RSPO2: variants seen among roughly 807,000 people sequenced by gnomAD.
RSPO2 encodes the protein R-spondin 2, also known as R-spondin-2.
RSPO2 carries 14 observed loss-of-function variants against 30.9 expected under a neutral mutation model. That is an observed-to-expected ratio of 0.45 (90% CI 0.30 to 0.71). The LOEUF (loss-of-function observed/expected upper bound fraction) is 0.71. Ranked by LOEUF, RSPO2 falls within the 30% of genes least tolerant of loss-of-function variation. The probability of loss-of-function intolerance (pLI) is 0.08; values close to 1 mark genes in which losing one functional copy is unlikely to be tolerated. For synonymous variants in RSPO2, 107 were observed against 96.4 expected (o/e 1.11, Z -0.64); for missense variants, 264 against 301.9 (o/e 0.87, Z 0.93).
At chr8:108,032,716 A>G (rs1465443437) in intron 2 of RSPO2, among the ~76,000 whole-genome samples, 3 of 152,014 alleles carry the variant, frequency 2.0e-5, no homozygotes, top group Non-Finnish European at 4.4e-5. Flanking sequence ...CTGCAGCCTC[A>G]AACTCCTGGG....
chr8:108,059,109 G>T (rs1033614278), intron 2 of RSPO2, among the ~76,000 whole-genome samples: 7 of 151,618 alleles, frequency 4.6e-5, no homozygotes, highest in African/African-American at 1.7e-4. Context: ...ATCTGACAAA[G>T]GGCTAATATC....
At chr8:107,954,192 T>C (rs373262173) in intron 5 of RSPO2, among the ~76,000 whole-genome samples, 1 of 152,294 alleles carries the variant, frequency 6.6e-6, no homozygotes, top group East Asian at 1.9e-4. Flanking sequence ...TGGTCAATCC[T>C]CCTGTGAAAG....
intron 2 of RSPO2, among the ~76,000 whole-genome samples, chr8:107,989,728 A>G (rs1049965491): frequency 2.0e-5 from 3 of 152,234 alleles, no homozygotes; most frequent in African/African-American, 7.2e-5. Flanking sequence ...CAGAACACCA[A>G]GTCCACAAGG....
At chr8:108,047,869 A>AAGC (rs1016429911) in intron 2 of RSPO2, among the ~76,000 whole-genome samples, 13 of 151,686 alleles carry the variant, frequency 8.6e-5, no homozygotes, top group African/African-American at 2.9e-4. Flanking sequence ...AAAAAAAAAA[A>AAGC]AGCAGCAGCA....
At chr8:107,903,198 A>T (rs964673813) in intron 5 of RSPO2, among the ~76,000 whole-genome samples, 1 of 152,164 alleles carries the variant, frequency 6.6e-6, no homozygotes, top group African/African-American at 2.4e-5. Flanking sequence ...TTTTAAATTC[A>T]TTTGGTTTAT....
intron 2 of RSPO2, among the ~76,000 whole-genome samples, chr8:108,073,290 C>T (rs2130728860): frequency 6.6e-6 from 1 of 152,332 alleles, no homozygotes; most frequent in South Asian, 2.1e-4. Flanking sequence ...AAGCACAAAT[C>T]CCACAAAATT....
intron 2 of RSPO2, among the ~76,000 whole-genome samples, chr8:108,035,534 G>T (rs533080897): frequency 3.3e-5 from 5 of 152,048 alleles, no homozygotes; most frequent in Admixed American, 2.6e-4. Flanking sequence ...GCAGTGGCGC[G>T]ATCTTGGCTC....
At chr8:108,061,898 A>G (rs1812479436) in intron 2 of RSPO2, among the ~76,000 whole-genome samples, 1 of 151,882 alleles carries the variant, frequency 6.6e-6, no homozygotes, top group Non-Finnish European at 1.5e-5. Context: ...AAACCGCTCA[A>G]CTACATGGAA....
intron 5 of RSPO2, among the ~76,000 whole-genome samples, chr8:107,913,347 C>A (rs1013145497): frequency 6.6e-6 from 1 of 152,144 alleles, no homozygotes; most frequent in African/African-American, 2.4e-5. Context: ...GTGGCTGAAT[C>A]TTTAAATTCA....
At chr8:107,958,299 A>G (rs1317620523) in intron 4 of RSPO2, 31 bp from the exon 5 acceptor site, 1 of 1,562,452 alleles carries the variant, frequency 6.4e-7, no homozygotes, top group East Asian at 2.2e-5. Flanking sequence ...AAGAAAAAAA[A>G]ACACAAGCAC....
At chr8:107,925,005 CACTCAG>C (rs1812312771) in intron 5 of RSPO2, among the ~76,000 whole-genome samples, 1 of 152,052 alleles carries the variant, frequency 6.6e-6, no homozygotes, top group Non-Finnish European at 1.5e-5. Context: ...CACTATCCTG[CACTCAG>C]ATAAACCTCA....
chr8:108,014,734 T>C (rs924602477), intron 2 of RSPO2, among the ~76,000 whole-genome samples: 3 of 150,778 alleles, frequency 2.0e-5, no homozygotes, highest in African/African-American at 7.3e-5. Flanking sequence ...TTAGGAGAAA[T>C]ACCTAATGTA....
At chr8:107,937,148 TCA>T (rs1812744781) in intron 5 of RSPO2, among the ~76,000 whole-genome samples, 1 of 134,338 alleles carries the variant, frequency 7.4e-6, no homozygotes, top group South Asian at 2.6e-4. Flanking sequence ...TAATCCATCT[TCA>T]GTTGTTTTTT....
At chr8:107,944,430 T>C (rs1483977744) in intron 5 of RSPO2, among the ~76,000 whole-genome samples, 1 of 152,284 alleles carries the variant, frequency 6.6e-6, no homozygotes, top group African/African-American at 2.4e-5. Context: ...TGGTATATCA[T>C]AGAATCTTGC....
chr8:107,953,675 C>T (rs1013553771), intron 5 of RSPO2, among the ~76,000 whole-genome samples: 1 of 152,136 alleles, frequency 6.6e-6, no homozygotes, highest in Non-Finnish European at 1.5e-5. Context: ...GGATGATGGT[C>T]CTACTCTCGG....
At chr8:108,017,072 A>T (rs1468032641) in intron 2 of RSPO2, among the ~76,000 whole-genome samples, 2 of 149,548 alleles carry the variant, frequency 1.3e-5, no homozygotes, top group African/African-American at 4.9e-5. Flanking sequence ...GCTGGAGTGC[A>T]GTGGCGCGAT....
intron 2 of RSPO2, among the ~76,000 whole-genome samples, chr8:108,030,876 C>T (rs1361021911): frequency 6.6e-6 from 1 of 152,028 alleles, no homozygotes; most frequent in African/African-American, 2.4e-5. Flanking sequence ...TATAGTATTA[C>T]AATAGGATAC....
chr8:107,992,170 G>A (rs1332930896), intron 2 of RSPO2, among the ~76,000 whole-genome samples: 1 of 60,502 alleles, frequency 1.7e-5, no homozygotes, highest in Non-Finnish European at 2.9e-5. Context: ...TAAAGAAAAT[G>A]TGATACACAC....
At chr8:107,958,700 C>T (rs1408409626) in intron 4 of RSPO2, among the ~76,000 whole-genome samples, 2 of 152,150 alleles carry the variant, frequency 1.3e-5, no homozygotes, top group Admixed American at 1.3e-4. Flanking sequence ...CTCCCCGCAT[C>T]GCCCCCATTC....
Sources: allele counts gnomAD v4.1 joint callset (sites outside exome capture counted in the v4.1 genomes callset), GRCh38; gene constraint gnomAD v4.1.1; transcripts MANE v1.5; gene names NCBI Gene and HGNC (gene_info 2026-07-23, HGNC 2026-07-21).